The following ZFHX3 variants were observed in gnomAD, a reference collection of about 807,000 sequenced individuals.
The protein encoded by ZFHX3 is zinc finger homeobox 3.
In ZFHX3, 42 loss-of-function variants were observed where a neutral mutation model predicts 279.1. The observed-to-expected ratio is 0.15, with a 90% CI of 0.12 to 0.19. The LOEUF (loss-of-function observed/expected upper bound fraction) is 0.19. Among genes scored for constraint, ZFHX3 ranks in the 10% least tolerant of loss-of-function variants. The probability of loss-of-function intolerance (pLI) is 1.00; values close to 1 mark genes in which losing one functional copy is unlikely to be tolerated. For missense variants in ZFHX3, 4,981 were observed against 4,754.0 expected, an observed-to-expected ratio of 1.05 and a Z score of -1.40; for synonymous variants, 2,293 against 1,957.8, an observed-to-expected ratio of 1.17 and a Z score of -4.52.
At chr16:73,857,688 T>C (rs1179537104) in intron 1 of ZFHX3, among the ~76,000 whole-genome samples, 1 of 152,102 alleles carries the variant, frequency 6.6e-6, no homozygotes, top group African/African-American at 2.4e-5. Flanking sequence ...CGCTAGGGTT[T>C]TTGTTCTGCC....
At position 72,785,409 on chromosome 16, in the gene ZFHX3, T is replaced by TA. The variant is rs553847955; in HGVS notation, c.*1754dup. Reference sequence around the variant, plus strand: ...CTAACACAAGGACAAAACTTTGAAGTAAAAAATGTGTCTTTTGGTATATGG... The same window carrying TA: ...CTAACACAAGGACAAAACTTTGAAGTAAAAAAATGTGTCTTTTGGTATATGG... On this transcript the variant is annotated 3_prime_UTR_variant, in exon 10 of 10. Transcript: ENST00000268489. 22 of 152,644 alleles carry TA rather than the reference T, an allele frequency of 1.4e-4. No homozygotes were observed. The highest frequency in any genetic ancestry group is 3.8e-4 in the East Asian group (2 of 5,202). 9.5% of individuals were successfully genotyped at this position (152,644 alleles called of 1,614,324 possible). A position where few individuals can be genotyped will look rare whatever the true frequency, so the allele number is the denominator to read the frequency against.
chr16:73,541,811 T>G (rs2143751077), intron 2 of ZFHX3, among the ~76,000 whole-genome samples: 1 of 127,122 alleles, frequency 7.9e-6, no homozygotes, highest in Non-Finnish European at 1.7e-5. Context: ...TTTTTTTTTT[T>G]TTTTTCCCTG....
intron 3 of ZFHX3, among the ~76,000 whole-genome samples, chr16:72,931,863 C>G (rs1959828290): frequency 6.6e-6 from 1 of 152,208 alleles, no homozygotes; most frequent in Admixed American, 6.5e-5. Flanking sequence ...CACTCACTTG[C>G]GTCCAGAAGC....
At chr16:73,397,116 T>A (rs959798797) in intron 3 of ZFHX3, among the ~76,000 whole-genome samples, 3 of 152,220 alleles carry the variant, frequency 2.0e-5, no homozygotes, top group Admixed American at 1.3e-4. Context: ...CCTTTGTTAC[T>A]TACATGGATG....
chr16:73,530,709 T>C (rs2019785191), intron 2 of ZFHX3, among the ~76,000 whole-genome samples: 1 of 152,228 alleles, frequency 6.6e-6, no homozygotes, highest in South Asian at 2.1e-4. Flanking sequence ...TCTGAGGTGC[T>C]GTCTTTTATA....
At chr16:73,248,025 G>T (rs1325889354) in intron 5 of ZFHX3, among the ~76,000 whole-genome samples, 2 of 151,344 alleles carry the variant, frequency 1.3e-5, no homozygotes, top group Non-Finnish European at 2.9e-5. Context: ...TATATAATGT[G>T]TGTGTGTATA....
chr16:73,397,340 T>C (rs2017151302), intron 3 of ZFHX3, among the ~76,000 whole-genome samples: 1 of 152,122 alleles, frequency 6.6e-6, no homozygotes, highest in Non-Finnish European at 1.5e-5. Flanking sequence ...AAGAGTGGCA[T>C]GACTGGAAGG....
chr16:73,614,813 G>T lies in ZFHX3; in HGVS notation c.-1547+65367C>A, dbSNP rs922357802. On this transcript the variant is annotated intron_variant, in intron 2 of 17. Transcript: ENST00000641206. ...TGTCCTCTGTCACCCAGGCTGAAGT[G>T]CAATGGCATGATCATAGCTTACCGC... is the stretch of plus-strand genomic sequence containing the variant. Among the ~76,000 whole-genome samples the T allele has an allele frequency of 2.0e-5, 3 of 151,940 alleles. No individual in the cohort carries two copies. In the South Asian group the frequency reaches 6.2e-4, roughly 32 times the overall value.
Position 72,811,945 on chromosome 16 carries a change from G to A in ZFHX3, c.3623C>T (p.Ser1208Leu), listed in dbSNP as rs760400785. The A allele has an allele frequency of 8.1e-6, 13 of 1,614,044 alleles. No individual in the cohort carries two copies. Among genetic ancestry groups the A allele is most frequent in the Non-Finnish European group, 9.3e-6 (11 of 1,180,018 alleles). Residue 1208 changes from serine (S) to leucine (L), a missense_variant, in exon 6 of 10, where the codon TCG becomes TTG. Around this residue, in one of 7 missense-constraint regions of ZFHX3, gnomAD observed 1,751 missense variants for 1,770.0 expected, o/e 0.99. Transcript: ENST00000268489. Reference protein sequence around the residue: ...FPGSSESPLSSKRPKTAEEIK... With the variant: ...FPGSSESPLSLKRPKTAEEIK... ...CTCCTCAGCTGTTTTTGGTCGCTTC[G>A]AAGAGAGGGGAGACTCTGAGCTACC...
chr16:73,352,474 C>CTTTTTTT (rs35974156), intron 3 of ZFHX3, among the ~76,000 whole-genome samples: 1 of 53,256 alleles, frequency 1.9e-5, no homozygotes, highest in Non-Finnish European at 3.4e-5. Flanking sequence ...CTCTCTCTCT[C>CTTTTTTT]TTTTTTTTTT....
chr16:72,944,920 T>A (rs2144362873), intron 3 of ZFHX3, among the ~76,000 whole-genome samples: 1 of 152,302 alleles, frequency 6.6e-6, no homozygotes, highest in African/African-American at 2.4e-5. Context: ...GTTGCAAAAC[T>A]GGTTTTTCAA....
intron 5 of ZFHX3, among the ~76,000 whole-genome samples, chr16:73,185,759 C>T (rs900992909): frequency 5.9e-5 from 9 of 152,140 alleles, no homozygotes; most frequent in African/African-American, 2.2e-4. Context: ...GGACAGGACA[C>T]GACTTGTACA....
chr16:73,138,411 A>T (rs1451610088), intron 6 of ZFHX3, among the ~76,000 whole-genome samples: 1 of 152,154 alleles, frequency 6.6e-6, no homozygotes, highest in Non-Finnish European at 1.5e-5. Context: ...GGGTCAGGGG[A>T]TGAAGACTGG....
chr16:73,173,003 T>G (rs760038647), intron 5 of ZFHX3, among the ~76,000 whole-genome samples: 2 of 58,216 alleles, frequency 3.4e-5, no homozygotes, highest in East Asian at 4.7e-4. Context: ...TTTGTTTTTT[T>G]TTTTGTTTTT....
At chr16:73,583,905 A>T (rs956495097) in intron 2 of ZFHX3, among the ~76,000 whole-genome samples, 1 of 152,228 alleles carries the variant, frequency 6.6e-6, no homozygotes, top group East Asian at 1.9e-4. Context: ...TTAACACTAT[A>T]TAAGAAATAA....
Position 73,169,852 on chromosome 16 carries a change from T to C in ZFHX3, c.-1103-26021A>G, listed in dbSNP as rs184996115. 6.5e-3 allele frequency among the ~76,000 whole-genome samples: 993 copies of C among 152,264 alleles called. 5 individuals are homozygous for C. Among genetic ancestry groups the C allele is most frequent in the Middle Eastern group, 0.014 (4 of 292 alleles). ...GTCTTAGATCAAAGCTGTTTTTTCT[T>C]GAGGGGGGCTTTCTCTGACCCACCC... On this transcript the variant is annotated intron_variant, in intron 5 of 17. Coordinates refer to the ZFHX3 transcript ENST00000641206.
At chr16:73,308,262 TATATATATA>T (rs1567446252) in intron 4 of ZFHX3, among the ~76,000 whole-genome samples, 4 of 31,796 alleles carry the variant, frequency 1.3e-4, no homozygotes, top group South Asian at 1.6e-3. Flanking sequence ...TATATATATA[TATATATATA>T]TATATATTTA....
chr16:73,405,138 A>G (rs960489208), intron 3 of ZFHX3, among the ~76,000 whole-genome samples: 2 of 152,178 alleles, frequency 1.3e-5, no homozygotes, highest in Non-Finnish European at 2.9e-5. Context: ...CATTACAACC[A>G]TCAGTGTTGT....
intron 4 of ZFHX3, among the ~76,000 whole-genome samples, chr16:73,290,875 G>C (rs1192192275): frequency 6.6e-6 from 1 of 152,216 alleles, no homozygotes; most frequent in Non-Finnish European, 1.5e-5. Context: ...CCTATTCAGA[G>C]CAAAGCCATG....
Sources: allele counts gnomAD v4.1 joint callset (sites outside exome capture counted in the v4.1 genomes callset), GRCh38; gene constraint gnomAD v4.1.1; regional missense constraint gnomAD v4.1.1; transcripts MANE v1.5; gene names NCBI Gene and HGNC (gene_info 2026-07-23, HGNC 2026-07-21).